The following ENTHD1 variants were observed in gnomAD, a reference collection of about 807,000 sequenced individuals.
ENTHD1 encodes ENTH domain containing 1.
ENTHD1 carries 23 observed loss-of-function variants against 39.1 expected under a neutral mutation model. That is an observed-to-expected ratio of 0.59 (90% CI 0.42 to 0.83). ENTHD1 has a LOEUF of 0.83. Ranked by LOEUF, ENTHD1 falls within the 40% of genes least tolerant of loss-of-function variation. The pLI is 0.00. For synonymous variants in ENTHD1, 230 were observed against 258.2 expected, an observed-to-expected ratio of 0.89 and a Z score of 1.05; for missense variants, 624 against 705.4, an observed-to-expected ratio of 0.88 and a Z score of 1.31.
intron 3 of ENTHD1, among the ~76,000 whole-genome samples, chr22:39,845,192 T>C (rs763234895): frequency 6.6e-6 from 1 of 152,164 alleles, no homozygotes; most frequent in Non-Finnish European, 1.5e-5. Flanking sequence ...AGCCAAAGTT[T>C]ATTGTGCTGA....
intron 2 of ENTHD1, among the ~76,000 whole-genome samples, chr22:39,864,233 TC>T (rs137859338): frequency 0.014 from 2,203 of 152,116 alleles, 17 homozygotes; most frequent in Non-Finnish European, 0.024. Flanking sequence ...CCTTCCACCT[TC>T]CCCCTCATTC....
chr22:39,770,565 C>T (rs1569133397), intron 5 of ENTHD1, among the ~76,000 whole-genome samples: 1 of 152,112 alleles, frequency 6.6e-6, no homozygotes, highest in African/African-American at 2.4e-5. Flanking sequence ...GGGCTGGTGA[C>T]TTATCCCTGC....
chr22:39,805,050 G>A (rs2065629637), intron 5 of ENTHD1, among the ~76,000 whole-genome samples: 1 of 152,144 alleles, frequency 6.6e-6, no homozygotes, highest in South Asian at 2.1e-4. Context: ...CTTGGGAGCT[G>A]GGGAGACCAG....
At chr22:39,764,527 G>A (rs2065259655) in intron 6 of ENTHD1, among the ~76,000 whole-genome samples, 1 of 151,982 alleles carries the variant, frequency 6.6e-6, no homozygotes, top group South Asian at 2.1e-4. Flanking sequence ...ACTATTATAT[G>A]TAAGAACCAA....
Position 39,887,458 on chromosome 22 carries a change from G to A in ENTHD1, c.291C>T (p.Phe97=), listed in dbSNP as rs1227829772. The A allele has an allele frequency of 6.2e-7, 1 of 1,613,970 alleles. No individual in the cohort carries two copies. Among genetic ancestry groups the A allele is most frequent in the Non-Finnish European group, 8.5e-7 (1 of 1,179,986 alleles). ...AATCTTTTAGTGTTTGAAGGTTACA[G>A]AACCCCTCTCTGCAATGCTGAATAA... The part of the protein sequence containing the change: ...KKVIQHCREG[F]CNLQTLKDFQ... The change falls in exon 2 of 7, where the codon TTC becomes TTT. Residue 97 remains phenylalanine, a synonymous_variant. Transcript: ENST00000325157.
intron 5 of ENTHD1, among the ~76,000 whole-genome samples, chr22:39,813,402 C>T (rs2065708869): frequency 6.6e-6 from 1 of 152,148 alleles, no homozygotes; most frequent in African/African-American, 2.4e-5. Context: ...TCCAGTAATA[C>T]ATATCAAAGA....
intron 5 of ENTHD1, among the ~76,000 whole-genome samples, chr22:39,814,275 A>G (rs1007299125): frequency 2.8e-5 from 4 of 144,944 alleles, no homozygotes; most frequent in African/African-American, 7.8e-5. Context: ...CCTAGGCAAC[A>G]TGGCAAAACC....
At chr22:39,853,420 A>G (rs2066060041) in intron 3 of ENTHD1, among the ~76,000 whole-genome samples, 1 of 152,014 alleles carries the variant, frequency 6.6e-6, no homozygotes. Flanking sequence ...CTGTGGTCCC[A>G]GCTACTTAGG....
At chr22:39,879,293 T>C (rs2066315529) in intron 2 of ENTHD1, among the ~76,000 whole-genome samples, 1 of 151,024 alleles carries the variant, frequency 6.6e-6, no homozygotes, top group Non-Finnish European at 1.5e-5. Context: ...AAACCCCATC[T>C]CTACTAAAAA....
intron 5 of ENTHD1, among the ~76,000 whole-genome samples, chr22:39,812,983 G>A (rs903955687): frequency 6.6e-6 from 1 of 151,952 alleles, no homozygotes; most frequent in Admixed American, 6.5e-5. Flanking sequence ...GGGTTTCACC[G>A]TGTTGGCCAG....
intron 3 of ENTHD1, among the ~76,000 whole-genome samples, chr22:39,855,100 A>G (rs374367836): frequency 6.6e-6 from 1 of 152,160 alleles, no homozygotes; most frequent in Non-Finnish European, 1.5e-5. Flanking sequence ...GATTGAAACA[A>G]CTGTCTCTTA....
intron 5 of ENTHD1, among the ~76,000 whole-genome samples, chr22:39,786,793 T>G (rs1389343782): frequency 6.6e-6 from 1 of 152,234 alleles, no homozygotes; most frequent in Non-Finnish European, 1.5e-5. Flanking sequence ...CATGCACTAT[T>G]TGTCTTTCTG....
intron 5 of ENTHD1, among the ~76,000 whole-genome samples, chr22:39,796,091 C>A (rs2065546930): frequency 1.3e-5 from 2 of 151,388 alleles, no homozygotes. Context: ...TTTATTATTT[C>A]TTTCCTTCTA....
At chr22:39,884,943 A>G (rs944578773) in intron 2 of ENTHD1, among the ~76,000 whole-genome samples, 2 of 152,210 alleles carry the variant, frequency 1.3e-5, no homozygotes, top group Non-Finnish European at 2.9e-5. Context: ...TGGACAATGG[A>G]GCCCATAGTT....
At chr22:39,827,014 ATTT>A (rs1269713696) in intron 4 of ENTHD1, among the ~76,000 whole-genome samples, 6 of 135,832 alleles carry the variant, frequency 4.4e-5, no homozygotes, top group Non-Finnish European at 6.4e-5. Context: ...TGCCCAACTA[ATTT>A]TTTTTTTTTT....
At chr22:39,888,474 C>G (rs1044767836) in intron 1 of ENTHD1, among the ~76,000 whole-genome samples, 1 of 151,728 alleles carries the variant, frequency 6.6e-6, no homozygotes, top group African/African-American at 2.4e-5. Context: ...GTTGCCCAGG[C>G]TGGAGTGCAG....
rs1383587255 is a variant in ENTHD1, at chr22:39,765,312, A to G, written c.1130T>C (p.Val377Ala). The change falls in exon 6 of 7, where the codon GTG (valine) becomes GCG (alanine). Residue 377 changes from valine (V) to alanine (A), a missense_variant. Val to Ala is a moderately conservative substitution (Grantham distance 64). Transcript: ENST00000325157. ...GGCCTTGTTGATTACAATCTCCTTC[A>G]CTCGGTCAAATATTTTGAATGAGGG... is the stretch of plus-strand genomic sequence containing the variant. Reference protein sequence around the residue: ...LSPSFKIFDRVKEIVINKAYQ... With the variant: ...LSPSFKIFDRAKEIVINKAYQ... 1 of 1,613,204 alleles carries G rather than the reference A, an allele frequency of 6.2e-7. No homozygotes were observed. Among genetic ancestry groups the G allele is most frequent in the East Asian group, 2.2e-5 (1 of 44,828 alleles).
intron 4 of ENTHD1, among the ~76,000 whole-genome samples, chr22:39,832,817 G>C (rs372397415): frequency 2.0e-5 from 3 of 152,308 alleles, no homozygotes; most frequent in African/African-American, 7.2e-5. Context: ...AGGGGTGTCG[G>C]TGCTGGCTTT....
At chr22:39,786,150 C>G (rs1010084262) in intron 5 of ENTHD1, among the ~76,000 whole-genome samples, 2 of 152,246 alleles carry the variant, frequency 1.3e-5, no homozygotes, top group Admixed American at 1.3e-4. Context: ...AAAACCCACT[C>G]AAGTCCATTC....
Sources: gnomAD v4.1 joint callset for allele counts (sites outside exome capture counted in the v4.1 genomes callset) on GRCh38, gnomAD v4.1.1 for gene constraint, MANE v1.5 for transcripts, NCBI Gene and HGNC (gene_info 2026-07-23, HGNC 2026-07-21) for gene names.